Variants in TP63 observed in about 807,000 individuals in gnomAD.
TP63 encodes the protein tumor protein p63.
Under a neutral mutation model 82.8 loss-of-function variants are expected in TP63, and 17 were observed. The observed-to-expected ratio is 0.21, with a 90% CI of 0.14 to 0.31. The LOEUF is 0.31. Ranked by LOEUF, TP63 falls within the 10% of genes least tolerant of loss-of-function variation. The pLI is 1.00. For synonymous variants in TP63, 330 were observed against 321.7 expected, an observed-to-expected ratio of 1.03 and a Z score of -0.28; for missense variants, 648 against 895.3, an observed-to-expected ratio of 0.72 and a Z score of 3.52.
chr3:189,827,232 A>G (rs74914009), intron 4 of TP63, among the ~76,000 whole-genome samples: 6,954 of 152,286 alleles, frequency 0.046, 218 homozygotes, highest in South Asian at 0.08. Context: ...CAGGTGCTAT[A>G]ATCTGTCTGG....
At chr3:189,620,765 A>G in the TP63 span, among the ~76,000 whole-genome samples, 1 of 152,224 alleles carries the variant, frequency 6.6e-6, no homozygotes, top group African/African-American at 2.4e-5. Flanking sequence ...ATGTGACAGC[A>G]GAGTGAATCC....
At chr3:189,855,542 TA>T (rs1307478253) in intron 4 of TP63, among the ~76,000 whole-genome samples, 1 of 152,108 alleles carries the variant, frequency 6.6e-6, no homozygotes, top group African/African-American at 2.4e-5. Flanking sequence ...ACTATTCTAC[TA>T]AAAAGTTACA....
intron 1 of TP63, among the ~76,000 whole-genome samples, chr3:189,643,454 T>TGAA (rs1560079688): frequency 9.1e-6 from 1 of 110,394 alleles, no homozygotes; most frequent in African/African-American, 3.1e-5. Flanking sequence ...TTTAAACTGA[T>TGAA]TAAAAAAAAA....
intron 3 of TP63, among the ~76,000 whole-genome samples, chr3:189,773,003 C>A (rs766834731): frequency 6.6e-6 from 1 of 152,184 alleles, no homozygotes; most frequent in Non-Finnish European, 1.5e-5. Context: ...TCCTTTTATT[C>A]TGTGGTCCTC....
chr3:189,635,602 A>T (rs1007426025), intron 1 of TP63, among the ~76,000 whole-genome samples: 3 of 151,994 alleles, frequency 2.0e-5, no homozygotes, highest in African/African-American at 7.2e-5. Context: ...AAGGCTGCAG[A>T]TCCTCTCAGA....
intron 3 of TP63, among the ~76,000 whole-genome samples, chr3:189,772,368 A>G (rs1216689426): frequency 6.6e-6 from 1 of 152,228 alleles, no homozygotes; most frequent in Non-Finnish European, 1.5e-5. Flanking sequence ...GAGCCAGTCT[A>G]GAATCCAGGT....
chr3:189,709,282 T>A (rs1203907501), intron 1 of TP63, among the ~76,000 whole-genome samples: 6 of 152,192 alleles, frequency 3.9e-5, no homozygotes, highest in African/African-American at 1.4e-4. Flanking sequence ...TGGTTTTCTA[T>A]TCTGAATCTA....
chr3:189,776,572 A>T (rs1383823729), intron 3 of TP63, among the ~76,000 whole-genome samples: 3 of 152,218 alleles, frequency 2.0e-5, no homozygotes, highest in Non-Finnish European at 4.4e-5. Context: ...AACAAAAGCC[A>T]GCCCCTGCTG....
the TP63 span, among the ~76,000 whole-genome samples, chr3:189,604,338 A>G: frequency 3.8e-4 from 58 of 152,314 alleles, no homozygotes; most frequent in African/African-American, 1.3e-3. Flanking sequence ...TCTACCTACT[A>G]TTTAGCTCTC....
At chr3:189,805,048 G>A (rs1004972332) in intron 3 of TP63, among the ~76,000 whole-genome samples, 2 of 152,050 alleles carry the variant, frequency 1.3e-5, no homozygotes, top group South Asian at 2.1e-4. Flanking sequence ...AAACTATGAC[G>A]CCTAAAAGTA....
chr3:189,677,750 TCAA>T (rs1715569514), intron 1 of TP63, among the ~76,000 whole-genome samples: 1 of 151,996 alleles, frequency 6.6e-6, no homozygotes, highest in Non-Finnish European at 1.5e-5. Flanking sequence ...CCCAGCCTCA[TCAA>T]CATCTGTTAT....
intron 1 of TP63, among the ~76,000 whole-genome samples, chr3:189,698,783 A>G (rs1021710331): frequency 1.3e-5 from 2 of 152,194 alleles, no homozygotes; most frequent in Non-Finnish European, 2.9e-5. Flanking sequence ...TCTAAACTAT[A>G]TAATATTTAA....
intron 1 of TP63, among the ~76,000 whole-genome samples, chr3:189,668,920 T>C (rs1391763538): frequency 1.3e-5 from 2 of 151,542 alleles, no homozygotes; most frequent in Admixed American, 1.3e-4. Context: ...TATTTACAAA[T>C]CCTTAAGGAA....
chr3:189,736,570 T>C (rs1347508538), intron 1 of TP63, among the ~76,000 whole-genome samples: 1 of 152,152 alleles, frequency 6.6e-6, no homozygotes, highest in East Asian at 1.9e-4. Context: ...TTTTCCTGTC[T>C]TTCCTTCTAT....
intron 1 of TP63, among the ~76,000 whole-genome samples, chr3:189,699,923 T>C (rs1717675530): frequency 6.6e-6 from 1 of 152,212 alleles, no homozygotes; most frequent in Non-Finnish European, 1.5e-5. Flanking sequence ...GCTGAAGAAA[T>C]GTATTTTAAT....
intron 1 of TP63, among the ~76,000 whole-genome samples, chr3:189,644,614 G>A (rs1253109498): frequency 2.6e-5 from 4 of 151,956 alleles, no homozygotes; most frequent in Admixed American, 2.0e-4. Flanking sequence ...TGGGATTCTG[G>A]TGCACCCATC....
chr3:189,864,535 G>GA, intron 5 of TP63, 117 bp downstream of exon 5: 1 of 414,280 alleles, frequency 2.4e-6, no homozygotes, highest in Non-Finnish European at 4.0e-6. Context: ...TGGCAGATCA[G>GA]TCTGCCTTTT....
chr3:189,749,649 A>G lies in TP63; in HGVS notation c.324+10875A>G, dbSNP rs1721649275. ...ATGGAGATTCCTCAAAAAACTAAAA[A>G]CTACTGTAAAATCCAGAAATCCCAC... is the stretch of plus-strand genomic sequence containing the variant. On this transcript the variant is annotated intron_variant, in intron 3 of 13. Coordinates refer to ENST00000264731, the MANE Select transcript of TP63 (RefSeq NM_003722.5). Among the ~76,000 whole-genome samples the G allele has an allele frequency of 2.6e-5, 4 of 152,230 alleles. No individual in the cohort carries two copies. In the South Asian group the frequency reaches 8.3e-4, roughly 32 times the overall value.
At chr3:189,811,075 A>T (rs1392823942) in intron 4 of TP63, among the ~76,000 whole-genome samples, 3 of 152,164 alleles carry the variant, frequency 2.0e-5, no homozygotes, top group African/African-American at 7.2e-5. Context: ...AAAGGGATAC[A>T]CTGTGGTGAT....
Sources: gnomAD v4.1 joint callset for allele counts (sites outside exome capture counted in the v4.1 genomes callset) on GRCh38, gnomAD v4.1.1 for gene constraint, MANE v1.5 for transcripts, NCBI Gene and HGNC (gene_info 2026-07-23, HGNC 2026-07-21) for gene names.